The following FMN1 variants were observed in gnomAD, a reference collection of about 807,000 sequenced individuals.
FMN1 encodes formin-1.
Under a neutral mutation model 132.4 loss-of-function variants are expected in FMN1, and 110 were observed. The ratio of observed to expected loss-of-function variants is 0.83; its 90% CI spans 0.71 to 0.97. The LOEUF is 0.97. Among genes scored for constraint, FMN1 ranks in the 50% least tolerant of loss-of-function variants. The pLI, the probability that FMN1 is intolerant of heterozygous loss-of-function variation, is 0.00. For missense variants in FMN1, 1,792 were observed against 1,705.3 expected, an observed-to-expected ratio of 1.05 and a Z score of -0.90; for synonymous variants, 722 against 651.7, an observed-to-expected ratio of 1.11 and a Z score of -1.64.
chr15:32,939,530 TAACCAGAACGTAATTTATGTTG>T (rs917405355), intron 9 of FMN1, among the ~76,000 whole-genome samples: 4 of 152,212 alleles, frequency 2.6e-5, no homozygotes, highest in African/African-American at 7.2e-5. Context: ...AAGTTTCAAA[TAACCAGAACGTAATTTATGTTG>T]AACCATCTAT....
chr15:32,856,775 A>G (rs553778492), intron 17 of FMN1, among the ~76,000 whole-genome samples: 6 of 152,366 alleles, frequency 3.9e-5, no homozygotes, highest in African/African-American at 1.4e-4. Flanking sequence ...AGAATTTACA[A>G]AAGCCAGAGT....
chr15:33,155,792 A>G (rs1040538706), intron 3 of FMN1, among the ~76,000 whole-genome samples: 22 of 152,192 alleles, frequency 1.4e-4, no homozygotes, highest in Admixed American at 1.4e-3. Context: ...AGATTTTTCA[A>G]TGATGTCACC....
chr15:33,114,853 T>C (rs2039852536), intron 4 of FMN1, among the ~76,000 whole-genome samples: 1 of 152,222 alleles, frequency 6.6e-6, no homozygotes, highest in Non-Finnish European at 1.5e-5. Flanking sequence ...AATTAACTTT[T>C]TTCCCCTCCC....
chr15:32,847,870 C>T lies in FMN1; in HGVS notation c.3928+9145G>A, dbSNP rs888038392. On this transcript the variant is annotated intron_variant, in intron 17 of 20. Coordinates refer to ENST00000616417, the MANE Select transcript of FMN1 (RefSeq NM_001277313.2). The stretch of plus-strand genomic sequence containing the variant: ...ACTCCATCTCAAAAAAACAAACAAA[C>T]AAAAAAATTAGAGTTAAGGCCTAAA... Among the ~76,000 whole-genome samples the T allele has an allele frequency of 1.4e-4, 22 of 152,018 alleles. No individual in the cohort carries two copies. In the East Asian group the frequency reaches 3.5e-3, roughly 24 times the overall value.
At chr15:32,806,236 A>G (rs535614636) in intron 17 of FMN1, among the ~76,000 whole-genome samples, 2 of 152,298 alleles carry the variant, frequency 1.3e-5, no homozygotes, top group South Asian at 4.1e-4. Flanking sequence ...TACTTCATGA[A>G]AGATAAGGGA....
At chr15:32,927,625 C>A (rs1047991737) in intron 9 of FMN1, among the ~76,000 whole-genome samples, 29 of 152,102 alleles carry the variant, frequency 1.9e-4, no homozygotes, top group African/African-American at 6.3e-4. Context: ...TACCTCATTG[C>A]CAGTTATTTC....
intron 4 of FMN1, among the ~76,000 whole-genome samples, chr15:33,142,074 G>A (rs771864482): frequency 6.6e-6 from 1 of 152,120 alleles, no homozygotes; most frequent in Non-Finnish European, 1.5e-5. Context: ...TCACCAACAC[G>A]TAATCTAATC....
At chr15:32,898,050 G>A (rs1054741501) in intron 15 of FMN1, among the ~76,000 whole-genome samples, 1 of 152,180 alleles carries the variant, frequency 6.6e-6, no homozygotes, top group Non-Finnish European at 1.5e-5. Flanking sequence ...CAGGAGGGTA[G>A]AAGAAAGTAT....
intron 4 of FMN1, among the ~76,000 whole-genome samples, chr15:33,092,601 C>G (rs1158512146): frequency 1.3e-5 from 2 of 152,160 alleles, no homozygotes; most frequent in Admixed American, 1.3e-4. Flanking sequence ...CTGTCCCAGG[C>G]ACAGTCCTGC....
At chr15:33,184,119 A>G (rs1426687853) in intron 2 of FMN1, among the ~76,000 whole-genome samples, 7 of 152,200 alleles carry the variant, frequency 4.6e-5, no homozygotes, top group Non-Finnish European at 1.0e-4. Context: ...TATAAACAGC[A>G]TCTCTATTCA....
At chr15:33,165,638 G>A (rs1965076348) in intron 3 of FMN1, among the ~76,000 whole-genome samples, 1 of 152,144 alleles carries the variant, frequency 6.6e-6, no homozygotes, top group Non-Finnish European at 1.5e-5. Context: ...TGATCCGCCT[G>A]CCTCGGCCTC....
intron 5 of FMN1, among the ~76,000 whole-genome samples, chr15:33,072,479 T>TA (rs1370178634): frequency 6.6e-6 from 1 of 152,174 alleles, no homozygotes; most frequent in African/African-American, 2.4e-5. Flanking sequence ...ATAACTCTGT[T>TA]AAAAACAATC....
At chr15:33,019,266 G>A (rs980073014) in intron 6 of FMN1, among the ~76,000 whole-genome samples, 1 of 152,158 alleles carries the variant, frequency 6.6e-6, no homozygotes, top group African/African-American at 2.4e-5. Context: ...AGTGTCCATT[G>A]GTGTATTTAC....
At chr15:32,805,142 T>A (rs950265003) in intron 17 of FMN1, among the ~76,000 whole-genome samples, 4 of 152,214 alleles carry the variant, frequency 2.6e-5, no homozygotes, top group Non-Finnish European at 5.9e-5. Context: ...AAAGCGTTCC[T>A]ATTTCTCCAC....
intron 9 of FMN1, among the ~76,000 whole-genome samples, chr15:32,929,020 T>C (rs888786940): frequency 6.6e-6 from 1 of 152,226 alleles, no homozygotes; most frequent in East Asian, 1.9e-4. Flanking sequence ...GTGGAAAGGA[T>C]GTTATCACCA....
intron 4 of FMN1, among the ~76,000 whole-genome samples, chr15:33,104,521 T>C (rs962142416): frequency 2.0e-5 from 3 of 151,902 alleles, no homozygotes; most frequent in African/African-American, 7.3e-5. Context: ...TTGGGGAAAA[T>C]GATACAACAG....
At chr15:33,041,252 G>C (rs942755276) in intron 6 of FMN1, among the ~76,000 whole-genome samples, 1 of 151,838 alleles carries the variant, frequency 6.6e-6, no homozygotes, top group African/African-American at 2.4e-5. Context: ...GTCTATGATA[G>C]AAGAGTATTA....
In FMN1 at chr15:33,153,563, C is replaced by A. The variant is rs972678254; in HGVS notation, c.1352G>T (p.Arg451Leu). 6.5e-6 allele frequency: 10 copies of A among 1,536,220 alleles called. No individual in the cohort carries two copies. Among genetic ancestry groups the A allele is most frequent in the Middle Eastern group, 3.3e-4 (2 of 5,992 alleles). Residue 451 changes from arginine (R) to leucine (L), a missense_variant, in exon 4 of 21, where the codon CGC (arginine) becomes CTC (leucine). Physicochemically the swap from Arg to Leu is moderately radical, Grantham distance 102. Around this residue, in one of 3 missense-constraint regions of FMN1, gnomAD observed 638 missense variants for 645.2 expected, o/e 0.99. Coordinates refer to ENST00000616417, the MANE Select transcript of FMN1 (RefSeq NM_001277313.2). ...TCTCCTCTTGTTTCTCGTTTCTGGG[C>A]GAGTGTGAGGGACACTCGTGTGGAC... ...FPVHTSVPHT[R>L]PETRNKRRAG...
chr15:32,821,404 T>C (rs1398824998), intron 17 of FMN1, among the ~76,000 whole-genome samples: 1 of 151,998 alleles, frequency 6.6e-6, no homozygotes, highest in Non-Finnish European at 1.5e-5. Flanking sequence ...CTTTACTGGT[T>C]TGAACATGAT....
Sources: allele counts gnomAD v4.1 joint callset (sites outside exome capture counted in the v4.1 genomes callset), GRCh38; gene constraint gnomAD v4.1.1; regional missense constraint gnomAD v4.1.1; transcripts MANE v1.5; gene names NCBI Gene and HGNC (gene_info 2026-07-23, HGNC 2026-07-21).